Variants in KLHL1 observed in about 807,000 individuals in gnomAD.
KLHL1 encodes the protein kelch-like protein 1.
In KLHL1, 47 loss-of-function variants were observed where a neutral mutation model predicts 77.7. The observed-to-expected ratio is 0.60, with a 90% CI of 0.48 to 0.77. KLHL1 has a LOEUF of 0.77. KLHL1 is among the 30% of genes least tolerant of loss of function. The pLI, the probability that KLHL1 is intolerant of heterozygous loss-of-function variation, is 0.00. For synonymous variants in KLHL1, 360 were observed against 325.2 expected, an observed-to-expected ratio of 1.11 and a Z score of -1.15; for missense variants, 925 against 910.8, an observed-to-expected ratio of 1.02 and a Z score of -0.20.
intron 3 of KLHL1, among the ~76,000 whole-genome samples, chr13:69,953,058 GC>G (rs901637246): frequency 7.9e-5 from 12 of 151,414 alleles, no homozygotes; most frequent in Admixed American, 7.3e-4. Context: ...ATACTGTGAG[GC>G]ATAGCTAAGA....
chr13:70,071,881 C>G (rs1203966871), intron 1 of KLHL1, among the ~76,000 whole-genome samples: 1 of 152,002 alleles, frequency 6.6e-6, no homozygotes, highest in East Asian at 1.9e-4. Flanking sequence ...AATTAATAAT[C>G]TATTCTTCAG....
At chr13:69,778,423 A>G (rs1875945964) in intron 7 of KLHL1, among the ~76,000 whole-genome samples, 1 of 152,186 alleles carries the variant, frequency 6.6e-6, no homozygotes, top group Non-Finnish European at 1.5e-5. Flanking sequence ...GCATCTTATG[A>G]AAGCACAATA....
At chr13:69,746,903 G>A (rs982058050) in intron 7 of KLHL1, among the ~76,000 whole-genome samples, 2 of 152,012 alleles carry the variant, frequency 1.3e-5, no homozygotes, top group African/African-American at 4.8e-5. Context: ...GGGTCTTGAT[G>A]CATTTGTGTA....
chr13:69,910,384 C>G (rs1452989179), intron 4 of KLHL1, among the ~76,000 whole-genome samples: 1 of 152,028 alleles, frequency 6.6e-6, no homozygotes, highest in Non-Finnish European at 1.5e-5. Flanking sequence ...CATTTCTTGT[C>G]TAATTTTGAC....
intron 7 of KLHL1, among the ~76,000 whole-genome samples, chr13:69,777,952 C>T (rs1177837119): frequency 9.2e-5 from 14 of 151,848 alleles, no homozygotes; most frequent in Admixed American, 8.5e-4. Flanking sequence ...ACAAATGTTC[C>T]TCATTTTTAA....
intron 4 of KLHL1, among the ~76,000 whole-genome samples, chr13:69,925,314 C>T (rs1457851582): frequency 6.6e-6 from 1 of 152,184 alleles, no homozygotes; most frequent in African/African-American, 2.4e-5. Flanking sequence ...AAAGATGCTA[C>T]TTACAGCACT....
chr13:69,918,482 T>A (rs7321536), intron 4 of KLHL1, among the ~76,000 whole-genome samples: 83,519 of 151,518 alleles, frequency 0.55, 23,146 homozygotes, highest in South Asian at 0.66. Context: ...TGAAATTGAA[T>A]TTTGCACATA....
At chr13:69,832,734 G>A (rs1375281744) in intron 6 of KLHL1, among the ~76,000 whole-genome samples, 2 of 151,976 alleles carry the variant, frequency 1.3e-5, no homozygotes, top group Non-Finnish European at 2.9e-5. Flanking sequence ...CACCAAAACA[G>A]CATGGTACTG....
rs1566351200 is a variant in KLHL1, at chr13:69,707,656, G to A, written c.2156C>T (p.Ser719Phe). The change falls in exon 10 of 11, where the codon TCC (serine) becomes TTC (phenylalanine). Residue 719 changes from serine to phenylalanine, a missense_variant. Coordinates refer to ENST00000377844, the MANE Select transcript of KLHL1 (RefSeq NM_020866.3). ...CCACTCATTAGTTTGTGGGTCATAG[G>A]ATTCCATAGTGTTGAGGTATGTCTG... is the stretch of plus-strand genomic sequence containing the variant. The part of the protein sequence containing the change: ...DGQTYLNTME[S>F]YDPQTNEWTQ... 6.2e-7 allele frequency: 1 copy of A among 1,612,210 alleles called. No homozygotes were observed. The highest frequency in any genetic ancestry group is 8.5e-7 in the Non-Finnish European group (1 of 1,178,864).
chr13:69,972,317 T>C (rs551449448), intron 2 of KLHL1, among the ~76,000 whole-genome samples: 3 of 152,088 alleles, frequency 2.0e-5, no homozygotes, highest in South Asian at 4.1e-4. Flanking sequence ...AAATAATAAA[T>C]ACTTTCTTGA....
chr13:70,107,610 GCC>G lies in KLHL1; in HGVS notation c.88_89del (p.Gly30ArgfsTer17). On this transcript the variant is annotated frameshift_variant, in exon 1 of 11. Coordinates refer to ENST00000377844, the MANE Select transcript of KLHL1 (RefSeq NM_020866.3). LOFTEE classifies it high-confidence loss of function. The stretch of plus-strand genomic sequence containing the variant: ...GCAGGCAGCCTCCCCCCGCCGGGCC[GCC>G]GGTGGAAGGAGACGGGTGGCTGAAG... ...KLFSHPSPST[G>X]GPAGGGCLQQ... 6.3e-7 allele frequency: 1 copy of G among 1,590,884 alleles called. No individual in the cohort carries two copies. Among genetic ancestry groups the G allele is most frequent in the Non-Finnish European group, 8.6e-7 (1 of 1,169,242 alleles).
intron 1 of KLHL1, among the ~76,000 whole-genome samples, chr13:69,980,938 G>A (rs1035805096): frequency 1.3e-5 from 2 of 152,096 alleles, no homozygotes; most frequent in African/African-American, 4.8e-5. Flanking sequence ...TTTGTTATGT[G>A]TTTTTGTTTA....
chr13:70,050,204 T>C (rs1015260766), intron 1 of KLHL1, among the ~76,000 whole-genome samples: 1 of 151,864 alleles, frequency 6.6e-6, no homozygotes, highest in Non-Finnish European at 1.5e-5. Context: ...ACTTTATATG[T>C]CATCAAAAGG....
intron 8 of KLHL1, among the ~76,000 whole-genome samples, chr13:69,729,453 T>C (rs1873444955): frequency 6.6e-6 from 1 of 152,042 alleles, no homozygotes; most frequent in African/African-American, 2.4e-5. Context: ...TTGAAAATAA[T>C]ATTTAGGGAA....
At chr13:70,096,707 CTTTT>C (rs545195270) in intron 1 of KLHL1, among the ~76,000 whole-genome samples, 1 of 150,804 alleles carries the variant, frequency 6.6e-6, no homozygotes, top group Non-Finnish European at 1.5e-5. Context: ...GTCATTTTCT[CTTTT>C]TTTCTTTTTG....
chr13:70,005,282 T>G (rs1027237823), intron 1 of KLHL1, among the ~76,000 whole-genome samples: 3 of 151,986 alleles, frequency 2.0e-5, no homozygotes, highest in African/African-American at 7.2e-5. Context: ...ATGCAAATAT[T>G]TATCTTACCA....
At chr13:70,090,817 T>C (rs7350675) in intron 1 of KLHL1, among the ~76,000 whole-genome samples, 36,682 of 152,018 alleles carry the variant, frequency 0.24, 5,138 homozygotes, top group South Asian at 0.4. Context: ...CTTTCGACTG[T>C]AGCTTGTGAC....
intron 1 of KLHL1, among the ~76,000 whole-genome samples, chr13:70,064,093 A>T (rs1886952797): frequency 6.6e-6 from 1 of 152,152 alleles, no homozygotes; most frequent in Non-Finnish European, 1.5e-5. Context: ...GGACACAAAG[A>T]CAGGCTGAAC....
chr13:69,807,103 T>C (rs573853922), intron 6 of KLHL1, among the ~76,000 whole-genome samples: 1 of 152,260 alleles, frequency 6.6e-6, no homozygotes, highest in Admixed American at 6.5e-5. Context: ...AGTGCAACTG[T>C]CACCTGATCA....
Sources: gnomAD v4.1 joint callset for allele counts (sites outside exome capture counted in the v4.1 genomes callset) on GRCh38, gnomAD v4.1.1 for gene constraint, MANE v1.5 for transcripts, NCBI Gene and HGNC (gene_info 2026-07-23, HGNC 2026-07-21) for gene names.